The following ADGRL3 variants were observed in gnomAD, a reference collection of about 807,000 sequenced individuals.
ADGRL3 encodes the protein calcium-independent alpha-latrotoxin receptor 3.
In ADGRL3, 62 loss-of-function variants were observed where a neutral mutation model predicts 153.5. The observed-to-expected ratio is 0.40, with a 90% CI of 0.33 to 0.50. The LOEUF is 0.50. Ranked by LOEUF, ADGRL3 falls within the 20% of genes least tolerant of loss-of-function variation. ADGRL3 has a pLI of 0.47. For missense variants in ADGRL3, 1,641 were observed against 1,859.4 expected (o/e 0.88, Z 2.16); for synonymous variants, 710 against 672.5 (o/e 1.06, Z -0.86).
chr4:61,822,229 C>T (rs536266731), intron 9 of ADGRL3, among the ~76,000 whole-genome samples: 4 of 152,206 alleles, frequency 2.6e-5, no homozygotes, highest in Admixed American at 2.0e-4. Context: ...TAAAGCCAAA[C>T]ATTTTTATTG....
intron 8 of ADGRL3, among the ~76,000 whole-genome samples, chr4:61,741,704 A>G (rs114317563): frequency 1.3e-5 from 2 of 152,348 alleles, no homozygotes; most frequent in Non-Finnish European, 2.9e-5. Flanking sequence ...GGCTCTGAGT[A>G]AAAGAATCAC....
At chr4:61,342,012 G>T (rs2095817417) in intron 1 of ADGRL3, among the ~76,000 whole-genome samples, 4 of 151,812 alleles carry the variant, frequency 2.6e-5, no homozygotes, top group African/African-American at 7.3e-5. Context: ...ACTTTTTTTG[G>T]ATTATAAAAT....
intron 6 of ADGRL3, among the ~76,000 whole-genome samples, chr4:61,681,634 G>A (rs1468663470): frequency 6.6e-6 from 1 of 151,804 alleles, no homozygotes; most frequent in Admixed American, 6.6e-5. Context: ...TGGAAGATTG[G>A]TATTTATAAA....
chr4:61,881,200 T>C (rs906039632), intron 9 of ADGRL3, among the ~76,000 whole-genome samples: 2 of 152,230 alleles, frequency 1.3e-5, no homozygotes, highest in South Asian at 2.1e-4. Flanking sequence ...ACATTTTATC[T>C]GTTTATTAGA....
chr4:61,932,015 G>A lies in ADGRL3; in HGVS notation c.2113-2825G>A, dbSNP rs552997167. On this transcript the variant is annotated intron_variant, in intron 13 of 26. Transcript: ENST00000683033. ...TTTATATATATATATATTTACACAC[G>A]TACACACACATATACATTCATATAT... is the stretch of plus-strand genomic sequence containing the variant. Among the ~76,000 whole-genome samples, 85 of 151,670 alleles carry A rather than the reference G, an allele frequency of 5.6e-4. No homozygotes were observed. The Middle Eastern group carries it at 0.014, about 24-fold the overall frequency.
At chr4:61,641,656 T>A (rs1239137466) in intron 5 of ADGRL3, among the ~76,000 whole-genome samples, 3 of 152,008 alleles carry the variant, frequency 2.0e-5, no homozygotes, top group Admixed American at 6.5e-5. Flanking sequence ...ATGGTGTATA[T>A]GTGCCACATT....
intron 6 of ADGRL3, among the ~76,000 whole-genome samples, chr4:61,680,580 A>T (rs1367074537): frequency 6.6e-6 from 1 of 151,952 alleles, no homozygotes; most frequent in Non-Finnish European, 1.5e-5. Context: ...AGTTCATTGT[A>T]TCACATAAGT....
intron 1 of ADGRL3, among the ~76,000 whole-genome samples, chr4:61,363,804 C>A (rs937501862): frequency 6.6e-6 from 1 of 151,770 alleles, no homozygotes; most frequent in Non-Finnish European, 1.5e-5. Context: ...ATCTCATAGT[C>A]CCGATTTTAC....
At chr4:61,638,426 G>C (rs1407921459) in intron 5 of ADGRL3, among the ~76,000 whole-genome samples, 3 of 151,944 alleles carry the variant, frequency 2.0e-5, no homozygotes, top group African/African-American at 7.3e-5. Context: ...TAGTGGTGTG[G>C]GTTAAATGAA....
chr4:61,902,128 C>T (rs897072083), intron 11 of ADGRL3, among the ~76,000 whole-genome samples: 3 of 152,130 alleles, frequency 2.0e-5, no homozygotes, highest in Admixed American at 6.6e-5. Flanking sequence ...AAGATATTCA[C>T]TTTGGGTGCC....
chr4:61,641,630 G>A (rs535353086), intron 5 of ADGRL3, among the ~76,000 whole-genome samples: 1 of 151,926 alleles, frequency 6.6e-6, no homozygotes, highest in Non-Finnish European at 1.5e-5. Context: ...CAATTTTTAT[G>A]GCTGCATAGT....
At chr4:61,703,154 C>A (rs112069480) in intron 6 of ADGRL3, among the ~76,000 whole-genome samples, 1 of 152,078 alleles carries the variant, frequency 6.6e-6, no homozygotes, top group South Asian at 2.1e-4. Flanking sequence ...AAGTAATTTA[C>A]GTAAATTATC....
At chr4:61,799,630 A>C (rs527600229) in intron 8 of ADGRL3, among the ~76,000 whole-genome samples, 2 of 152,266 alleles carry the variant, frequency 1.3e-5, no homozygotes, top group Admixed American at 6.5e-5. Flanking sequence ...CTTGCCCAGC[A>C]TGCCTCAGTT....
intron 5 of ADGRL3, among the ~76,000 whole-genome samples, chr4:61,602,086 C>A (rs564501972): frequency 9.6e-6 from 1 of 103,844 alleles, no homozygotes; most frequent in African/African-American, 3.1e-5. Context: ...AATAAATAAA[C>A]GCTTGATCCA....
At chr4:61,324,858 T>C (rs992964015) in intron 1 of ADGRL3, among the ~76,000 whole-genome samples, 1 of 152,206 alleles carries the variant, frequency 6.6e-6, no homozygotes, top group Non-Finnish European at 1.5e-5. Flanking sequence ...AGTACTTACA[T>C]TGGCATGGAA....
chr4:61,287,836 C>T (rs1024295193), intron 1 of ADGRL3, among the ~76,000 whole-genome samples: 10 of 151,864 alleles, frequency 6.6e-5, no homozygotes, highest in African/African-American at 1.7e-4. Context: ...CTAGGAAATT[C>T]GGGGTACTGT....
intron 9 of ADGRL3, among the ~76,000 whole-genome samples, chr4:61,867,280 C>T (rs1334352553): frequency 2.0e-5 from 3 of 151,624 alleles, no homozygotes; most frequent in African/African-American, 4.8e-5. Flanking sequence ...GGGCAGATCA[C>T]TTGAGCTCAG....
In ADGRL3 at chr4:61,299,206, C is replaced by A. The variant is rs573519569; in HGVS notation, c.-239-83918C>A. On this transcript the variant is annotated intron_variant, in intron 1 of 26. Transcript: ENST00000683033. ...TTTCTTAGATTTCAGTGGCATCGTT[C>A]AGAACATTGAAATAACACTTCACAT... Among the ~76,000 whole-genome samples, 4 of 152,026 alleles carry A rather than the reference C, an allele frequency of 2.6e-5. No homozygotes were observed. In the South Asian group the frequency reaches 8.3e-4, roughly 32 times the overall value.
chr4:61,448,290 T>C, intron 2 of ADGRL3, among the ~76,000 whole-genome samples: 1 of 152,140 alleles, frequency 6.6e-6, no homozygotes, highest in African/African-American at 2.4e-5. Context: ...AAATTTGCTG[T>C]TACAAAGCTT....
Sources: allele counts gnomAD v4.1 joint callset (sites outside exome capture counted in the v4.1 genomes callset), GRCh38; gene constraint gnomAD v4.1.1; transcripts MANE v1.5; gene names NCBI Gene and HGNC (gene_info 2026-07-23, HGNC 2026-07-21).